SV2C: variants seen among roughly 807,000 people sequenced by gnomAD.
SV2C encodes the protein solute carrier family 22 member B3.
SV2C carries 49 observed loss-of-function variants against 79.7 expected under a neutral mutation model. The ratio of observed to expected loss-of-function variants is 0.61; its 90% confidence interval spans 0.49 to 0.78. SV2C has a LOEUF of 0.78. Among genes scored for constraint, SV2C ranks in the 30% least tolerant of loss-of-function variants. The pLI is 0.00. For missense variants in SV2C, 833 were observed against 912.9 expected (o/e 0.91, Z 1.13); for synonymous variants, 334 against 333.2 (o/e 1.00, Z -0.03).
rs571878739 is a variant in SV2C, at chr5:76,186,393, T to C, written c.581-8526T>C. On this transcript the variant is annotated intron_variant, in intron 2 of 12. Coordinates refer to ENST00000502798, the MANE Select transcript of SV2C (RefSeq NM_014979.4). The stretch of plus-strand genomic sequence containing the variant: ...AAAAAATACCCAAGACTGAGTAATT[T>C]ATAAGGAAAAGAGGTTGGCCAGGCA... 5.9e-5 allele frequency among the ~76,000 whole-genome samples: 9 copies of C among 152,252 alleles called. 1 individual carries two copies. In the South Asian group the frequency reaches 1.9e-3, roughly 32 times the overall value.
chr5:75,910,919 G>T, the SV2C span: 2 of 936,256 alleles, frequency 2.1e-6, no homozygotes, highest in African/African-American at 3.2e-5. Context: ...AGTCTTTGTG[G>T]TGAAGGGACT....
chr5:75,894,103 G>A, the SV2C span, among the ~76,000 whole-genome samples: 4 of 152,094 alleles, frequency 2.6e-5, no homozygotes, highest in South Asian at 4.1e-4. Context: ...TATTCATTAC[G>A]TTGGCAGCAT....
chr5:76,074,826 G>GT, the SV2C span, among the ~76,000 whole-genome samples: 1 of 152,188 alleles, frequency 6.6e-6, no homozygotes, highest in Non-Finnish European at 1.5e-5. Context: ...CTATGATGTA[G>GT]TAACTGTGCT....
the SV2C span, among the ~76,000 whole-genome samples, chr5:75,860,094 G>A: frequency 6.6e-6 from 1 of 152,094 alleles, no homozygotes. Context: ...GTGGTGTGGG[G>A]CTGGTTTCTT....
At chr5:76,109,752 G>A (rs2112136295) in intron 1 of SV2C, among the ~76,000 whole-genome samples, 1 of 152,264 alleles carries the variant, frequency 6.6e-6, no homozygotes, top group Admixed American at 6.5e-5. Context: ...CTGGGAAGAG[G>A]CAAGAAAGGG....
chr5:75,977,395 T>G, the SV2C span, among the ~76,000 whole-genome samples: 1 of 152,240 alleles, frequency 6.6e-6, no homozygotes, highest in Non-Finnish European at 1.5e-5. Flanking sequence ...TTGTTCCTCG[T>G]GTTTGTTTTC....
chr5:76,225,838 A>G (rs1433237231), intron 4 of SV2C, among the ~76,000 whole-genome samples: 2 of 152,168 alleles, frequency 1.3e-5, no homozygotes, highest in Non-Finnish European at 2.9e-5. Flanking sequence ...TTGAGCCTTC[A>G]TTTAAATTAC....
At chr5:76,219,701 G>A (rs907835553) in intron 4 of SV2C, among the ~76,000 whole-genome samples, 7 of 152,188 alleles carry the variant, frequency 4.6e-5, no homozygotes, top group East Asian at 1.9e-4. Context: ...CCCAAAAGAC[G>A]TCTATTTACT....
At chr5:75,973,264 A>G in the SV2C span, among the ~76,000 whole-genome samples, 1 of 151,998 alleles carries the variant, frequency 6.6e-6, no homozygotes, top group African/African-American at 2.4e-5. Context: ...AACATGGCAC[A>G]TGTATACATA....
At chr5:76,123,131 A>T (rs1429284762) in intron 1 of SV2C, among the ~76,000 whole-genome samples, 1 of 152,268 alleles carries the variant, frequency 6.6e-6, no homozygotes, top group Non-Finnish European at 1.5e-5. Context: ...ATCTAGAAGA[A>T]ATGGATAAAT....
At position 76,325,863 on chromosome 5, in the gene SV2C, G is replaced by C. The variant is rs1439494391; in HGVS notation, c.*316G>C. 4.3e-6 allele frequency: 1 copy of C among 235,118 alleles called. No homozygotes were observed. Among genetic ancestry groups the C allele is most frequent in the African/African-American group, 2.3e-5 (1 of 44,166 alleles). 14.6% of individuals were successfully genotyped at this position (235,118 alleles called of 1,614,324 possible). A position where few individuals can be genotyped will look rare whatever the true frequency, so the allele number is the denominator to read the frequency against. On this transcript the variant is annotated 3_prime_UTR_variant, in exon 13 of 13. Transcript: ENST00000502798. ...TTCCCTGGGGTTCTGCTCATTGAAA[G>C]TTTAGAAGCTAAGAAGACTGGGCTG...
At chr5:76,057,983 C>T in the SV2C span, among the ~76,000 whole-genome samples, 1 of 152,018 alleles carries the variant, frequency 6.6e-6, no homozygotes, top group African/African-American at 2.4e-5. Flanking sequence ...ATGTAACGTC[C>T]ATTTCTTTAT....
At chr5:75,854,711 T>C in the SV2C span, among the ~76,000 whole-genome samples, 1 of 152,206 alleles carries the variant, frequency 6.6e-6, no homozygotes, top group South Asian at 2.1e-4. Context: ...AGTTTTTTCT[T>C]CTGACGAACT....
At chr5:76,347,070 G>T (rs979992151) in intron 12 of SV2C, among the ~76,000 whole-genome samples, 3 of 152,146 alleles carry the variant, frequency 2.0e-5, no homozygotes, top group Admixed American at 2.0e-4. Flanking sequence ...AAAAGAGGGG[G>T]GAAAAACAGA....
intron 2 of SV2C, among the ~76,000 whole-genome samples, chr5:76,188,374 C>T (rs1743985899): frequency 6.6e-6 from 1 of 152,036 alleles, no homozygotes; most frequent in South Asian, 2.1e-4. Context: ...TGTTATTAGC[C>T]CCACTATACA....
downstream of SV2C, among the ~76,000 whole-genome samples, chr5:76,335,256 C>T (rs1749287944): frequency 6.6e-6 from 1 of 152,112 alleles, no homozygotes; most frequent in Non-Finnish European, 1.5e-5. Flanking sequence ...GTTCTCTCCC[C>T]CAGCTAGATC....
At chr5:76,207,137 TCTTCCA>T (rs1020859762) in intron 3 of SV2C, among the ~76,000 whole-genome samples, 9 of 150,826 alleles carry the variant, frequency 6.0e-5, no homozygotes, top group Middle Eastern at 6.8e-3. Flanking sequence ...AAATCTACAG[TCTTCCA>T]CTTGAAATTA....
chr5:76,034,838 A>T, the SV2C span, among the ~76,000 whole-genome samples: 10 of 152,082 alleles, frequency 6.6e-5, no homozygotes, highest in Admixed American at 1.3e-4. Flanking sequence ...CAGTTCCTCC[A>T]TGTACCTCTG....
chr5:75,956,638 AG>A, the SV2C span, among the ~76,000 whole-genome samples: 1 of 152,094 alleles, frequency 6.6e-6, no homozygotes. Flanking sequence ...TGAGAGCAGT[AG>A]CATTGTAAAT....
Sources: allele counts gnomAD v4.1 joint callset (sites outside exome capture counted in the v4.1 genomes callset), GRCh38; gene constraint gnomAD v4.1.1; transcripts MANE v1.5; gene names NCBI Gene and HGNC (gene_info 2026-07-23, HGNC 2026-07-21).